WASHC4: variants seen among roughly 807,000 people sequenced by gnomAD.
WASHC4 encodes WASH complex subunit 4, also known as WASH complex subunit 7.
In WASHC4, 86 loss-of-function variants were observed where a neutral mutation model predicts 166.6. The observed-to-expected ratio is 0.52, with a 90% CI of 0.43 to 0.62. The LOEUF is 0.62. WASHC4 is among the 20% of genes least tolerant of loss of function. The pLI, the probability that WASHC4 is intolerant of heterozygous loss-of-function variation, is 0.00. For missense variants in WASHC4, 1,262 were observed against 1,382.4 expected (o/e 0.91, Z 1.38); for synonymous variants, 446 against 451.6 (o/e 0.99, Z 0.16).
chr12:105,120,504 A>T (rs769490795), intron 7 of WASHC4, 51 bp from the exon 8 acceptor site: 99 of 1,064,370 alleles, frequency 9.3e-5, no homozygotes, highest in Non-Finnish European at 5.9e-6. Context: ...AATAAGAATA[A>T]ACTATGACAA....
At chr12:105,149,126 G>A in intron 24 of WASHC4, 1 of 985,450 alleles carries the variant, frequency 1.0e-6, no homozygotes, top group Non-Finnish European at 1.2e-6. Flanking sequence ...GTTGCCTTGT[G>A]TGTAAGAGGT....
At position 105,132,676 on chromosome 12, in the gene WASHC4, G is replaced by A. The variant is rs559936429; in HGVS notation, c.1200-1094G>A. Among the ~76,000 whole-genome samples the A allele has an allele frequency of 5.9e-5, 9 of 152,180 alleles. No individual in the cohort carries two copies. The East Asian group carries it at 1.7e-3, about 29-fold the overall frequency. ...TTCCTGGATGTGAGCTTGAATCTTGGCTGAACTTATGATCTTGCTGCCTAC... is the reference window on the plus strand; with the variant it reads ...TTCCTGGATGTGAGCTTGAATCTTGACTGAACTTATGATCTTGCTGCCTAC... On this transcript the variant is annotated intron_variant, in intron 13 of 32. Transcript: ENST00000332180.
Position 105,126,033 on chromosome 12 carries a change from C to G in WASHC4, c.816C>G (p.Leu272=), listed in dbSNP as rs752482917. 22 of 1,612,340 alleles carry G rather than the reference C, an allele frequency of 1.4e-5. No individual in the cohort carries two copies. The South Asian group carries it at 1.5e-4, about 11-fold the overall frequency. The change falls in exon 11 of 33, where the codon CTC becomes CTG. Residue 272 remains leucine (L), a synonymous_variant. Coordinates refer to ENST00000332180, the MANE Select transcript of WASHC4 (RefSeq NM_015275.3). ...QACIEQQFDS[L]NGGVSVSKNS... is the part of the protein sequence containing the mutation. The stretch of plus-strand genomic sequence containing the variant: ...GTATAGAACAACAATTTGATTCTCT[C>G]AATGGAGGAGTATCTGTGTCAAAAA...
rs1395456540 is a variant in WASHC4, at chr12:105,107,750, T to A, written c.-51T>A. The A allele has an allele frequency of 7.2e-7, 1 of 1,397,426 alleles. No homozygotes were observed. The allele number at this position is 1,397,426 out of a possible 1,614,324, so 86.6% of individuals were successfully genotyped here. A position where few individuals can be genotyped will look rare whatever the true frequency, so the allele number is the denominator to read the frequency against. ...TGTGACAGTAGCTGGGGTGAGGCCGTCGTCGCCGCACGGGCTGGTTGGGGC... is the reference window on the plus strand; with the variant it reads ...TGTGACAGTAGCTGGGGTGAGGCCGACGTCGCCGCACGGGCTGGTTGGGGC... On this transcript the variant is annotated 5_prime_UTR_variant, in exon 1 of 33. Transcript: ENST00000332180.
intron 31 of WASHC4, 151 bp from the exon 32 acceptor site, chr12:105,164,490 A>T: frequency 1.2e-6 from 1 of 806,458 alleles, no homozygotes; most frequent in South Asian, 1.6e-5. Flanking sequence ...CATCTTAAAA[A>T]TGGGCGGGTT....
In WASHC4 at chr12:105,156,761, G is replaced by A; in HGVS notation, c.2794G>A (p.Gly932Ser). 4 of 1,612,592 alleles carry A rather than the reference G, an allele frequency of 2.5e-6. No individual in the cohort carries two copies. Among genetic ancestry groups the A allele is most frequent in the Non-Finnish European group, 2.5e-6 (3 of 1,179,186 alleles). ...AMGYVRMIRS[G>S]GLHCSSNAIR... ...GGGCTATGTACGAATGATAAGATCT[G>A]GTGGTCTTCATTGTAGCAGCAATGC... Residue 932 changes from glycine to serine, a missense_variant, in exon 27 of 33, where the codon GGT becomes AGT. By Grantham distance (56) the Gly-to-Ser change is moderately conservative. Transcript: ENST00000332180.
intron 1 of WASHC4, among the ~76,000 whole-genome samples, chr12:105,110,429 C>A (rs1002892746): frequency 6.6e-6 from 1 of 152,172 alleles, no homozygotes; most frequent in African/African-American, 2.4e-5. Flanking sequence ...GACGAATAGG[C>A]ATATTTTAAA....
In WASHC4 at chr12:105,147,234, A is replaced by G. The variant is rs191526499; in HGVS notation, c.2514+88A>G. The G allele has an allele frequency of 2.6e-4, 205 of 796,422 alleles. No individual in the cohort carries two copies. The African/African-American group carries it at 3.0e-3, about 12-fold the overall frequency. 49.3% of individuals were successfully genotyped at this position (796,422 alleles called of 1,614,324 possible). A position where few individuals can be genotyped will look rare whatever the true frequency, so the allele number is the denominator to read the frequency against. On this transcript the variant is annotated intron_variant, in intron 24 of 32. Coordinates refer to ENST00000332180, the MANE Select transcript of WASHC4 (RefSeq NM_015275.3). ...TTTCTCATAGAATATTGCGGTAAACATACACTACTAGTTTATATTTTACAT... is the reference window on the plus strand; with the variant it reads ...TTTCTCATAGAATATTGCGGTAAACGTACACTACTAGTTTATATTTTACAT...
At chr12:105,160,171 A>G in intron 29 of WASHC4, 23 bp downstream of exon 29, 1 of 1,604,610 alleles carries the variant, frequency 6.2e-7, no homozygotes, top group Non-Finnish European at 8.5e-7. Flanking sequence ...AGAACCTAAA[A>G]TGAATTTTTT....
At chr12:105,125,906 T>C in intron 10 of WASHC4, 98 bp from the exon 11 acceptor site, 2 of 1,178,612 alleles carry the variant, frequency 1.7e-6, no homozygotes, top group Non-Finnish European at 2.4e-6. Flanking sequence ...ATGATGAATA[T>C]AGAAATTTAT....
intron 23 of WASHC4, 152 bp from the exon 24 acceptor site, chr12:105,146,890 C>T (rs11112389): frequency 0.11 from 71,681 of 667,546 alleles, 4,611 homozygotes; most frequent in African/African-American, 0.21. Flanking sequence ...TTCAGATTTT[C>T]GGATTAAGGA....
At chr12:105,136,990 T>C (rs1452357570) in intron 14 of WASHC4, among the ~76,000 whole-genome samples, 2 of 152,144 alleles carry the variant, frequency 1.3e-5, no homozygotes, top group Non-Finnish European at 2.9e-5. Flanking sequence ...TTGAGGAACA[T>C]TGGCATATAT....
intron 12 of WASHC4, 92 bp downstream of exon 12, chr12:105,126,454 C>G: frequency 9.7e-7 from 1 of 1,031,098 alleles, no homozygotes; most frequent in South Asian, 1.4e-5. Context: ...TTCCTGTTTA[C>G]AAAAATAATT....
intron 18 of WASHC4, 40 bp downstream of exon 18, chr12:105,141,286 G>A: frequency 7.8e-7 from 1 of 1,282,614 alleles, no homozygotes; most frequent in Non-Finnish European, 1.1e-6. Flanking sequence ...TCCAAAGACA[G>A]GGTTAATAGA....
intron 20 of WASHC4, among the ~76,000 whole-genome samples, chr12:105,143,518 A>C (rs1042789430): frequency 6.6e-6 from 1 of 152,016 alleles, no homozygotes; most frequent in Non-Finnish European, 1.5e-5. Flanking sequence ...GCAAATGTGA[A>C]ATGGTTTTGA....
chr12:105,117,975 T>C (rs1880344791), intron 6 of WASHC4, among the ~76,000 whole-genome samples: 1 of 152,230 alleles, frequency 6.6e-6, no homozygotes, highest in Non-Finnish European at 1.5e-5. Flanking sequence ...GATCAGTGTT[T>C]GAAGTTATTT....
At chr12:105,164,810 A>G in intron 32 of WASHC4, 70 bp downstream of exon 32, 1 of 1,012,638 alleles carries the variant, frequency 9.9e-7, no homozygotes, top group Non-Finnish European at 1.5e-6. Flanking sequence ...GCACCATTTT[A>G]TCTGGTCAGA....
chr12:105,146,984 T>G, intron 23 of WASHC4, 58 bp from the exon 24 acceptor site: 1 of 925,734 alleles, frequency 1.1e-6, no homozygotes, highest in Non-Finnish European at 1.8e-6. Flanking sequence ...GGATACCTGT[T>G]TGACCAGTGT....
intron 27 of WASHC4, 23 bp from the exon 28 acceptor site, chr12:105,157,210 AAAT>A: frequency 8.3e-7 from 1 of 1,204,550 alleles, no homozygotes; most frequent in South Asian, 1.2e-5. Flanking sequence ...TTGACCTAAT[AAAT>A]GCCTTCCCAA....
Sources: gnomAD v4.1 joint callset for allele counts (sites outside exome capture counted in the v4.1 genomes callset) on GRCh38, gnomAD v4.1.1 for gene constraint, MANE v1.5 for transcripts, NCBI Gene and HGNC (gene_info 2026-07-23, HGNC 2026-07-21) for gene names.